The following REPS2 variants were observed in gnomAD, a reference collection of about 807,000 sequenced individuals.
REPS2 encodes ralBP1-associated Eps domain-containing protein 2.
In REPS2, 23 loss-of-function variants were observed where a neutral mutation model predicts 53.6. The observed-to-expected ratio is 0.43, with a 90% CI of 0.31 to 0.61. The LOEUF (loss-of-function observed/expected upper bound fraction) is 0.61. REPS2 is among the 20% of genes least tolerant of loss of function. The pLI is 0.11. For missense variants in REPS2, 446 were observed against 534.9 expected (o/e 0.83, Z 1.64); for synonymous variants, 238 against 218.6 (o/e 1.09, Z -0.78).
chrX:17,190,985 T>A, the REPS2 span, among the ~76,000 whole-genome samples: 1 of 111,595 alleles, frequency 9.0e-6, no homozygotes, highest in Non-Finnish European at 1.9e-5. Context: ...ATCATAGACA[T>A]AAATATAAAA....
rs2063567375 is a variant in REPS2 at position 17,151,345 on chromosome X, G to A, written c.*3864G>A. 2.7e-5 allele frequency: 3 copies of A among 112,455 alleles called. No individual in the cohort carries two copies. The allele number at this position is 112,455 out of a possible 1,213,427, so 9.3% of individuals were successfully genotyped here. On this transcript the variant is annotated 3_prime_UTR_variant, in exon 18 of 18. Transcript: ENST00000357277. ...TAGTTGTGATTTGATTCTATAGTCT[G>A]TTTCTAAATGACATTTGTCTGTTTC...
chrX:17,090,349 A>G (rs2062599052), intron 13 of REPS2, among the ~76,000 whole-genome samples: 1 of 112,089 alleles, frequency 8.9e-6, no homozygotes, highest in African/African-American at 3.2e-5. Flanking sequence ...AGACAGGAGA[A>G]GAGAGCTTGT....
intron 5 of REPS2, among the ~76,000 whole-genome samples, chrX:17,032,276 C>T (rs2061717295): frequency 8.9e-6 from 1 of 111,896 alleles, no homozygotes; most frequent in Admixed American, 9.5e-5. Flanking sequence ...GACAGGTGCT[C>T]GCCCAAGTCC....
intron 1 of REPS2, among the ~76,000 whole-genome samples, chrX:16,985,410 CTG>C (rs779338118): frequency 8.9e-6 from 1 of 112,117 alleles, no homozygotes; most frequent in Admixed American, 9.5e-5. Flanking sequence ...TCTTTCAAAA[CTG>C]TGTTCAGTTG....
rs111542025 is a variant in REPS2 at position 16,989,673 on chromosome X, T to C, written c.274-16548T>C. On this transcript the variant is annotated intron_variant, in intron 1 of 17. Transcript: ENST00000357277. The stretch of plus-strand genomic sequence containing the variant: ...AGCATATACAGATGACAGATAAGCA[T>C]GTGAAAAGATGTTCAACATAATTAG... 5.4e-3 allele frequency among the ~76,000 whole-genome samples: 609 copies of C among 112,371 alleles called. 5 individuals carry two copies. The highest frequency in any genetic ancestry group is 0.019 in the African/African-American group (584 of 30,941).
chrX:17,004,922 A>G (rs1273515249), intron 1 of REPS2, among the ~76,000 whole-genome samples: 1 of 110,115 alleles, frequency 9.1e-6, no homozygotes, highest in Non-Finnish European at 1.9e-5. Flanking sequence ...CATAGTCTTG[A>G]ACTCTTGGCC....
At chrX:17,062,863 C>A (rs747646584) in intron 9 of REPS2, among the ~76,000 whole-genome samples, 156 of 112,166 alleles carry the variant, frequency 1.4e-3, no homozygotes, top group Non-Finnish European at 2.3e-3. Flanking sequence ...TTTAACCAAG[C>A]TTTAATTCCC....
At chrX:17,011,753 T>TA (rs1347276404) in intron 2 of REPS2, among the ~76,000 whole-genome samples, 5 of 110,591 alleles carry the variant, frequency 4.5e-5, no homozygotes, top group African/African-American at 1.6e-4. Flanking sequence ...TTGTCTCTAC[T>TA]AAGTTCGAGA....
At chrX:17,020,962 A>G (rs762616685) in intron 2 of REPS2, among the ~76,000 whole-genome samples, 24 of 112,050 alleles carry the variant, frequency 2.1e-4, no homozygotes, top group Non-Finnish European at 3.4e-4. Flanking sequence ...AAATGTGAAC[A>G]TAGCAACTAA....
At chrX:17,124,109 A>G (rs2063175629) in intron 14 of REPS2, among the ~76,000 whole-genome samples, 1 of 112,538 alleles carries the variant, frequency 8.9e-6, no homozygotes, top group Non-Finnish European at 1.9e-5. Flanking sequence ...GCATGTGACC[A>G]GCTCACACAA....
intron 17 of REPS2, among the ~76,000 whole-genome samples, chrX:17,142,042 G>T (rs949928476): frequency 2.7e-5 from 3 of 111,938 alleles, no homozygotes; most frequent in African/African-American, 9.7e-5. Flanking sequence ...AGTGGAATAG[G>T]ATACAGAGTC....
chrX:16,963,788 C>T (rs779556766), intron 1 of REPS2, among the ~76,000 whole-genome samples: 61 of 111,040 alleles, frequency 5.5e-4, no homozygotes, highest in African/African-American at 2.0e-3. Context: ...CTAAGCACCT[C>T]GTACTTATAA....
chrX:16,956,325 A>G (rs182750214), intron 1 of REPS2, among the ~76,000 whole-genome samples: 1,941 of 64,351 alleles, frequency 0.03, 121 homozygotes, highest in African/African-American at 0.12. Context: ...TTTTTGAGAC[A>G]GGGTCTTGCT....
intron 13 of REPS2, among the ~76,000 whole-genome samples, chrX:17,101,056 CTT>C (rs547483010): frequency 5.2e-5 from 5 of 96,442 alleles, no homozygotes; most frequent in Non-Finnish European, 6.3e-5. Context: ...CTTTTTCTTT[CTT>C]TTTTTTTTTT....
At chrX:16,953,550 A>G (rs1218360582) in intron 1 of REPS2, among the ~76,000 whole-genome samples, 2 of 112,176 alleles carry the variant, frequency 1.8e-5, no homozygotes, top group Non-Finnish European at 3.8e-5. Context: ...ATTTGTGTAT[A>G]TATAAATCAC....
chrX:17,025,802 G>A (rs2061636862), intron 4 of REPS2, among the ~76,000 whole-genome samples: 1 of 111,651 alleles, frequency 9.0e-6, no homozygotes, highest in African/African-American at 3.3e-5. Context: ...GACTTGCAGA[G>A]TTGGCTGTTT....
chrX:17,046,437 A>G (rs2061907210), intron 5 of REPS2, among the ~76,000 whole-genome samples: 1 of 111,103 alleles, frequency 9.0e-6, no homozygotes, highest in South Asian at 3.8e-4. Context: ...CGGCCTCCCA[A>G]AGTGCTGGGA....
At chrX:17,065,849 T>A (rs1280471951) in intron 9 of REPS2, among the ~76,000 whole-genome samples, 1 of 111,871 alleles carries the variant, frequency 8.9e-6, no homozygotes, top group Non-Finnish European at 1.9e-5. Flanking sequence ...CCTCCCATAG[T>A]GCTGGGATTA....
At chrX:17,065,762 T>C (rs2062217081) in intron 9 of REPS2, among the ~76,000 whole-genome samples, 2 of 111,212 alleles carry the variant, frequency 1.8e-5, no homozygotes, top group Admixed American at 9.6e-5. Flanking sequence ...AATTTTTCTA[T>C]TTTTAGTGGA....
Sources: allele counts gnomAD v4.1 joint callset (sites outside exome capture counted in the v4.1 genomes callset), GRCh38; gene constraint gnomAD v4.1.1; transcripts MANE v1.5; gene names NCBI Gene and HGNC (gene_info 2026-07-23, HGNC 2026-07-21).